TRMT2A: variants seen among roughly 807,000 people sequenced by gnomAD.
TRMT2A encodes tRNA methyltransferase 2A.
Under a neutral mutation model 59.3 loss-of-function variants are expected in TRMT2A, and 60 were observed. The ratio of observed to expected loss-of-function variants is 1.01; its 90% CI spans 0.82 to 1.26. The LOEUF (loss-of-function observed/expected upper bound fraction) is 1.26. Ranked by LOEUF, TRMT2A falls within the 50% of genes most tolerant of loss-of-function variation. The pLI, the probability that TRMT2A is intolerant of heterozygous loss-of-function variation, is 0.00. For missense variants in TRMT2A, 863 were observed against 845.2 expected (o/e 1.02, Z -0.26); for synonymous variants, 403 against 353.7 (o/e 1.14, Z -1.56).
At position 20,113,678 on chromosome 22, in the gene TRMT2A, G is replaced by T; in HGVS notation, c.1356+8C>A. On this transcript the variant is annotated splice_region_variant and intron_variant, in intron 8 of 11. Transcript: ENST00000252136. Reference sequence around the variant, plus strand: ...AGAGGGTGCCCTCAGCAGGGCAGGAGGGCTCACCCGGGCCAGGGCCAGGCC... The same window carrying T: ...AGAGGGTGCCCTCAGCAGGGCAGGATGGCTCACCCGGGCCAGGGCCAGGCC... The T allele has an allele frequency of 6.3e-7, 1 of 1,593,224 alleles. No homozygotes were observed. The highest frequency in any genetic ancestry group is 2.2e-5 in the East Asian group (1 of 44,452).
chr22:20,113,658 G>A, intron 8 of TRMT2A, 28 bp downstream of exon 8: 1 of 1,590,300 alleles, frequency 6.3e-7, no homozygotes, highest in Non-Finnish European at 8.6e-7. Flanking sequence ...TGGGGAGAGG[G>A]TGCCCTCAGC....
chr22:20,113,392 T>TGGCCCCCG, intron 9 of TRMT2A, 40 bp downstream of exon 9: 1 of 1,557,668 alleles, frequency 6.4e-7, no homozygotes, highest in Non-Finnish European at 8.8e-7. Context: ...GGGTGGCGGC[T>TGGCCCCCG]GCCCCCATCC....
intron 7 of TRMT2A, 35 bp from the exon 8 acceptor site, chr22:20,113,843 C>T (rs1568970328): frequency 2.6e-6 from 4 of 1,528,080 alleles, no homozygotes; most frequent in South Asian, 2.5e-5. Flanking sequence ...GTCAGTGGCT[C>T]CTCTCCTGTG....
At position 20,115,780 on chromosome 22, in the gene TRMT2A, C is replaced by T; in HGVS notation, c.600G>A (p.Lys200=). The T allele has an allele frequency of 6.2e-7, 1 of 1,605,202 alleles. No individual in the cohort carries two copies. The highest frequency in any genetic ancestry group is 8.5e-7 in the Non-Finnish European group (1 of 1,173,710). ...AGGCACGGTTGGTGCTCCCGATTTC[C>T]CTGTAAGAGGAGCAGATCGGTGGTT... ...ECEQVLQKLA[K]EIGSTNRALL... Residue 200 remains lysine, a splice_region_variant and synonymous_variant, in exon 3 of 12, where the codon AAG becomes AAA. Transcript: ENST00000252136.
chr22:20,115,832 T>C (rs752939830), intron 2 of TRMT2A, 52 bp from the exon 3 acceptor site: 3 of 1,540,794 alleles, frequency 1.9e-6, no homozygotes, highest in South Asian at 1.2e-5. Context: ...CCCCGACCCA[T>C]GCCAGGCCAC....
Position 20,112,433 on chromosome 22 carries a change from C to G in TRMT2A, c.*130G>C. On this transcript the variant is annotated 3_prime_UTR_variant, in exon 12 of 12. Transcript: ENST00000252136. ...CCCTGGCCCCTAGCAGCAGGCCAAT[C>G]CTGGTGGGGCACAGGGTTCTGTGCC... The G allele has an allele frequency of 7.9e-7, 1 of 1,261,082 alleles. No homozygotes were observed. 78.1% of individuals were successfully genotyped at this position (1,261,082 alleles called of 1,614,324 possible). A position where few individuals can be genotyped will look rare whatever the true frequency, so the allele number is the denominator to read the frequency against.
Position 20,114,954 on chromosome 22 carries a change from C to G in TRMT2A, c.1005+11G>C. 2 of 1,579,498 alleles carry G rather than the reference C, an allele frequency of 1.3e-6. No individual in the cohort carries two copies. The highest frequency in any genetic ancestry group is 1.7e-6 in the Non-Finnish European group (2 of 1,163,738). The stretch of plus-strand genomic sequence containing the variant: ...CTAGGCACCCTCCCCCAGCAGGGCC[C>G]CCGTTGAGACCTGGGGGTGGAAGTA... On this transcript the variant is annotated intron_variant, in intron 5 of 11. Transcript: ENST00000252136.
rs1046364878 is a variant in TRMT2A, at chr22:20,112,444, A to C, written c.*119T>G. On this transcript the variant is annotated 3_prime_UTR_variant, in exon 12 of 12. Transcript: ENST00000252136. ...AGCAGCAGGCCAATCCTGGTGGGGCACAGGGTTCTGTGCCCTTTGGCTGCC... is the reference window on the plus strand; with the variant it reads ...AGCAGCAGGCCAATCCTGGTGGGGCCCAGGGTTCTGTGCCCTTTGGCTGCC... 7.6e-7 allele frequency: 1 copy of C among 1,313,936 alleles called. No individual in the cohort carries two copies. Among genetic ancestry groups the C allele is most frequent in the Middle Eastern group, 2.7e-4 (1 of 3,670 alleles). 81.4% of individuals were successfully genotyped at this position (1,313,936 alleles called of 1,614,324 possible). A position where few individuals can be genotyped will look rare whatever the true frequency, so the allele number is the denominator to read the frequency against.
intron 7 of TRMT2A, 91 bp from the exon 8 acceptor site, chr22:20,113,899 G>C (rs2147956569): frequency 7.0e-7 from 1 of 1,436,906 alleles, no homozygotes; most frequent in Non-Finnish European, 9.1e-7. Context: ...CCTCCATCCT[G>C]CCGGGACCTC....
chr22:20,113,400 T>TGG, intron 9 of TRMT2A, 32 bp downstream of exon 9: 124 of 1,049,230 alleles, frequency 1.2e-4, no homozygotes, highest in Non-Finnish European at 1.6e-4. Context: ...GCTGCCCCCA[T>TGG]CCCCACCCCC....
chr22:20,116,966 C>T lies in TRMT2A; in HGVS notation c.-60G>A, dbSNP rs2050046162. ...CATGGGGGCCGCCTGGCCACCTCGT[C>T]CTGGGCCTGTCACAAGGGAAGTGGC... is the stretch of plus-strand genomic sequence containing the variant. On this transcript the variant is annotated 5_prime_UTR_variant, in exon 1 of 12. Transcript: ENST00000252136. The T allele has an allele frequency of 1.7e-5, 27 of 1,559,384 alleles. 1 individual carries two copies. The South Asian group carries it at 2.9e-4, about 17-fold the overall frequency.
intron 9 of TRMT2A, 37 bp downstream of exon 9, chr22:20,113,395 C>G: frequency 1.3e-6 from 2 of 1,537,126 alleles, no homozygotes; most frequent in African/African-American, 1.4e-5. Flanking sequence ...TGGCGGCTGC[C>G]CCCATCCCCA....
intron 7 of TRMT2A, 139 bp downstream of exon 7, chr22:20,114,435 A>C (rs1034129061): frequency 1.4e-6 from 1 of 721,126 alleles, no homozygotes; most frequent in Non-Finnish European, 2.5e-6. Context: ...CCTCTTTCTT[A>C]CTTCACCCTC....
At chr22:20,113,296 G>C in intron 9 of TRMT2A, 62 bp from the exon 10 acceptor site, 1 of 1,512,770 alleles carries the variant, frequency 6.6e-7, no homozygotes, top group South Asian at 1.3e-5. Context: ...GGCCAGCCCT[G>C]GGGAACCCCT....
intron 9 of TRMT2A, 33 bp downstream of exon 9, chr22:20,113,399 A>AAGCC: frequency 1.4e-6 from 1 of 713,634 alleles, no homozygotes; most frequent in Non-Finnish European, 2.4e-6. Context: ...GGCTGCCCCC[A>AAGCC]TCCCCACCCC....
At chr22:20,116,821 T>C (rs554374554) in intron 1 of TRMT2A, 62 bp downstream of exon 1, 2 of 1,453,490 alleles carry the variant, frequency 1.4e-6, no homozygotes, top group African/African-American at 2.9e-5. Context: ...GCAGGTTTCC[T>C]GACCCACCCC....
rs745515497 is a variant in TRMT2A, at chr22:20,112,516, G to A, written c.*47C>T. The A allele has an allele frequency of 6.3e-7, 1 of 1,583,020 alleles. No individual in the cohort carries two copies. Among genetic ancestry groups the A allele is most frequent in the Non-Finnish European group, 8.6e-7 (1 of 1,162,640 alleles). ...GCAAGCCATGCCTTCCCCGCCCCTGGGGCCCTGGGAGCCCTTCAGCTCCTG... is the reference window on the plus strand; with the variant it reads ...GCAAGCCATGCCTTCCCCGCCCCTGAGGCCCTGGGAGCCCTTCAGCTCCTG... On this transcript the variant is annotated 3_prime_UTR_variant, in exon 12 of 12. Coordinates refer to ENST00000252136, the MANE Select transcript of TRMT2A (RefSeq NM_022727.6).
Position 20,113,790 on chromosome 22 carries a change from C to T in TRMT2A, c.1252G>A (p.Glu418Lys), listed in dbSNP as rs372722644. 30 of 1,587,860 alleles carry T rather than the reference C, an allele frequency of 1.9e-5. No individual in the cohort carries two copies. The highest frequency in any genetic ancestry group is 6.9e-5 in the Admixed American group (4 of 58,386). The change falls in exon 8 of 12, where the codon GAG (glutamate) becomes AAG (lysine). Residue 418 changes from glutamate (E) to lysine (K), a missense_variant. Physicochemically the swap from Glu to Lys is moderately conservative, Grantham distance 56. Transcript: ENST00000252136. ...TCCTGGATGACTGTGTAGAGCACCT[C>T]GGCTGCGGGTGTGTTCACCTGGGGG... Reference protein sequence around the residue: ...AFFQVNTPAAEVLYTVIQDWA... With the variant: ...AFFQVNTPAAKVLYTVIQDWA...
rs1335058158 is a variant in TRMT2A at position 20,112,298 on chromosome 22, C to T, written c.*265G>A. The T allele has an allele frequency of 1.9e-6, 1 of 528,530 alleles. No homozygotes were observed. The highest frequency in any genetic ancestry group is 3.3e-6 in the Non-Finnish European group (1 of 299,060). The allele number at this position is 528,530 out of a possible 1,614,324, so 32.7% of individuals were successfully genotyped here. A position where few individuals can be genotyped will look rare whatever the true frequency, so the allele number is the denominator to read the frequency against. ...ACCCCTGGCTCTCATCACAGAAACA[C>T]CCTTTGTTGAGCAGTTGTTTATTCT... On this transcript the variant is annotated 3_prime_UTR_variant, in exon 12 of 12. Transcript: ENST00000252136.
Sources: allele counts gnomAD v4.1 joint callset, GRCh38; gene constraint gnomAD v4.1.1; transcripts MANE v1.5; gene names NCBI Gene and HGNC (gene_info 2026-07-23, HGNC 2026-07-21).